PDE7B: variants seen among roughly 807,000 people sequenced by gnomAD.
PDE7B encodes phosphodiesterase 7B.
In PDE7B, 29 loss-of-function variants were observed where a neutral mutation model predicts 56.2. That is an observed-to-expected ratio of 0.52 (90% CI 0.38 to 0.70). PDE7B has a LOEUF of 0.70. Ranked by LOEUF, PDE7B falls within the 30% of genes least tolerant of loss-of-function variation. The probability of loss-of-function intolerance (pLI) is 0.00; values close to 1 mark genes in which losing one functional copy is unlikely to be tolerated. For synonymous variants in PDE7B, 197 were observed against 196.9 expected (o/e 1.00, Z 0.00); for missense variants, 490 against 565.0 (o/e 0.87, Z 1.35).
chr6:136,161,116 G>A (rs1171277856), intron 8 of PDE7B, among the ~76,000 whole-genome samples: 3 of 152,020 alleles, frequency 2.0e-5, no homozygotes, highest in South Asian at 2.1e-4. Context: ...ATATACAATA[G>A]AGTATGTTGT....
Position 136,173,804 on chromosome 6 carries a change from C to G in PDE7B, c.719C>G (p.Ser240Cys). ...HHLANLYQNM[S>C]VLENHHWRST... ...TATTTTCTTTCTTTCTAGAATATGT[C>G]TGTGCTGGAGAATCATCACTGGCGA... The change falls in exon 9 of 13, where the codon TCT becomes TGT. Residue 240 changes from serine (S) to cysteine (C), a missense_variant. By Grantham distance (112) the Ser-to-Cys change is moderately radical. Coordinates refer to ENST00000308191, the MANE Select transcript of PDE7B (RefSeq NM_018945.4). 6.2e-7 allele frequency: 1 copy of G among 1,601,114 alleles called. No individual in the cohort carries two copies. Among genetic ancestry groups the G allele is most frequent in the Non-Finnish European group, 8.6e-7 (1 of 1,168,534 alleles).
intron 1 of PDE7B, among the ~76,000 whole-genome samples, chr6:135,936,238 T>C (rs1774418233): frequency 6.6e-6 from 1 of 152,234 alleles, no homozygotes; most frequent in Admixed American, 6.5e-5. Context: ...TAAATATTCA[T>C]TCAGTTACAG....
chr6:136,144,867 G>C (rs1029284614), intron 3 of PDE7B, among the ~76,000 whole-genome samples: 1 of 152,062 alleles, frequency 6.6e-6, no homozygotes, highest in African/African-American at 2.4e-5. Context: ...CATTACATTA[G>C]GAAGAGCATG....
At chr6:135,971,068 C>T (rs1012758003) in intron 2 of PDE7B, among the ~76,000 whole-genome samples, 8 of 152,030 alleles carry the variant, frequency 5.3e-5, no homozygotes, top group East Asian at 1.9e-4. Context: ...CCTATTCCCC[C>T]GTACCTCAGA....
At chr6:135,882,390 T>G (rs894536990) in intron 1 of PDE7B, among the ~76,000 whole-genome samples, 3 of 152,214 alleles carry the variant, frequency 2.0e-5, no homozygotes, top group African/African-American at 7.2e-5. Context: ...CTCTGTGTTT[T>G]TCCTGCTTCC....
intron 2 of PDE7B, among the ~76,000 whole-genome samples, chr6:135,971,733 C>A (rs935889126): frequency 6.6e-6 from 1 of 152,098 alleles, no homozygotes; most frequent in African/African-American, 2.4e-5. Context: ...ACTCTTTGAC[C>A]CTCAGTTTCC....
At chr6:135,886,553 C>T (rs1449537297) in intron 1 of PDE7B, among the ~76,000 whole-genome samples, 1 of 151,930 alleles carries the variant, frequency 6.6e-6, no homozygotes, top group Non-Finnish European at 1.5e-5. Context: ...CCCCAAAGTT[C>T]AAACATCACA....
chr6:135,982,900 T>C (rs1301376206), intron 2 of PDE7B, among the ~76,000 whole-genome samples: 1 of 152,210 alleles, frequency 6.6e-6, no homozygotes, highest in Non-Finnish European at 1.5e-5. Context: ...TCATGTCCTC[T>C]AAAGGCTTCT....
rs1288859741 is a variant in PDE7B, at chr6:135,906,825, T to TG, written c.22-40639_22-40638insG. Among the ~76,000 whole-genome samples the TG allele has an allele frequency of 2.2e-4, 32 of 145,854 alleles. 1 individual carries two copies. The highest frequency in any genetic ancestry group is 4.0e-4 in the Non-Finnish European group (27 of 66,912). On this transcript the variant is annotated intron_variant, in intron 1 of 12. Coordinates refer to ENST00000308191, the MANE Select transcript of PDE7B (RefSeq NM_018945.4). Reference sequence around the variant, plus strand: ...AATGAGGTTTGTTTTTTTTTTTTTTTTTTTTTTTTTTAATCCTCTAGGCTT... The same window carrying TG: ...AATGAGGTTTGTTTTTTTTTTTTTTTGTTTTTTTTTTTAATCCTCTAGGCTT...
At chr6:136,092,135 C>T (rs2128216212) in intron 2 of PDE7B, among the ~76,000 whole-genome samples, 1 of 152,248 alleles carries the variant, frequency 6.6e-6, no homozygotes, top group South Asian at 2.1e-4. Flanking sequence ...ATGAGTATAA[C>T]AGACTTAGAA....
intron 2 of PDE7B, among the ~76,000 whole-genome samples, chr6:135,989,416 C>G (rs1212894027): frequency 1.3e-5 from 2 of 152,140 alleles, no homozygotes; most frequent in Non-Finnish European, 2.9e-5. Flanking sequence ...TAGTTCGAGA[C>G]CAGCCAGACC....
chr6:135,975,143 T>A (rs555972584), intron 2 of PDE7B, among the ~76,000 whole-genome samples: 3 of 152,086 alleles, frequency 2.0e-5, no homozygotes, highest in African/African-American at 7.2e-5. Context: ...AGTCGTTTTT[T>A]TTTTGTTTTG....
intron 2 of PDE7B, among the ~76,000 whole-genome samples, chr6:135,983,155 C>CA (rs1165139399): frequency 1.3e-5 from 2 of 152,020 alleles, no homozygotes; most frequent in East Asian, 3.8e-4. Flanking sequence ...GGTAGGTAGA[C>CA]AAAAAATTTA....
At chr6:136,127,814 T>C (rs973471886) in intron 3 of PDE7B, among the ~76,000 whole-genome samples, 3 of 152,200 alleles carry the variant, frequency 2.0e-5, no homozygotes, top group African/African-American at 7.2e-5. Flanking sequence ...CAAGTCATGC[T>C]GAGAAATTTG....
chr6:136,080,202 C>G (rs1777184599), intron 2 of PDE7B, among the ~76,000 whole-genome samples: 1 of 152,118 alleles, frequency 6.6e-6, no homozygotes, highest in African/African-American at 2.4e-5. Flanking sequence ...AAGCTCGTTC[C>G]AATAATTTGA....
chr6:136,100,150 A>G (rs1777537146), intron 2 of PDE7B, among the ~76,000 whole-genome samples: 2 of 152,220 alleles, frequency 1.3e-5, no homozygotes, highest in African/African-American at 2.4e-5. Context: ...TTTTAGTACC[A>G]GTACCATGCC....
intron 1 of PDE7B, among the ~76,000 whole-genome samples, chr6:135,930,156 G>A: frequency 6.6e-6 from 1 of 152,150 alleles, no homozygotes; most frequent in Non-Finnish European, 1.5e-5. Flanking sequence ...AGGCAAGAAG[G>A]AGCAAGTCAC....
rs186424930 is a variant in PDE7B at position 135,889,079 on chromosome 6, G to A, written c.21+37060G>A. Among the ~76,000 whole-genome samples the A allele has an allele frequency of 3.3e-3, 505 of 152,172 alleles. 7 individuals are homozygous for A. The highest frequency in any genetic ancestry group is 4.0e-3 in the Non-Finnish European group (275 of 68,002). On this transcript the variant is annotated intron_variant, in intron 1 of 12. Coordinates refer to ENST00000308191, the MANE Select transcript of PDE7B (RefSeq NM_018945.4). ...ATAAATGGAATCTTTTACTCAGCAG[G>A]TTGATCTTCCAGGGGTCATGCCCAG...
intron 2 of PDE7B, among the ~76,000 whole-genome samples, chr6:136,009,888 C>CA (rs777980762): frequency 4.6e-5 from 7 of 152,100 alleles, no homozygotes; most frequent in Non-Finnish European, 8.8e-5. Context: ...TTAATATTTT[C>CA]AAAAAACTAA....
Sources: allele counts gnomAD v4.1 joint callset (sites outside exome capture counted in the v4.1 genomes callset), GRCh38; gene constraint gnomAD v4.1.1; transcripts MANE v1.5; gene names NCBI Gene and HGNC (gene_info 2026-07-23, HGNC 2026-07-21).